PRPSAP1: variants seen among roughly 807,000 people sequenced by gnomAD.
The protein encoded by PRPSAP1 is phosphoribosyl pyrophosphate synthase-associated protein 1.
A neutral mutation model predicts 39.4 loss-of-function variants in PRPSAP1; 31 were observed. That is an observed-to-expected ratio of 0.79 (90% confidence interval 0.59 to 1.06). The LOEUF (loss-of-function observed/expected upper bound fraction) is 1.06, where lower values mean the gene tolerates loss of function less well. Among genes scored for constraint, PRPSAP1 ranks in the 50% least tolerant of loss-of-function variants. The pLI is 0.00. For synonymous variants in PRPSAP1, 212 were observed against 192.6 expected (o/e 1.10, Z -0.83); for missense variants, 430 against 511.6 (o/e 0.84, Z 1.54).
chr17:76,352,728 GAGCCC>G (rs1248536847), intron 1 of PRPSAP1, among the ~76,000 whole-genome samples: 1 of 151,066 alleles, frequency 6.6e-6, no homozygotes, highest in African/African-American at 2.4e-5. Flanking sequence ...GGGCCACTAT[GAGCCC>G]CTACTCTGCT....
intron 7 of PRPSAP1, among the ~76,000 whole-genome samples, chr17:76,318,825 C>T (rs546909441): frequency 2.0e-5 from 3 of 152,232 alleles, no homozygotes; most frequent in South Asian, 4.1e-4. Context: ...TGGTTATGAC[C>T]GTTAAGCAAC....
In PRPSAP1 at chr17:76,353,737, G is replaced by A. The variant is rs1167075246; in HGVS notation, c.-34C>T. Reference sequence around the variant, plus strand: ...CCGCGGCGCGGTTACGACCGGCCCCGCGCGGGGCTGCACTCTGAGTGCTTC... The same window carrying A: ...CCGCGGCGCGGTTACGACCGGCCCCACGCGGGGCTGCACTCTGAGTGCTTC... On this transcript the variant is annotated 5_prime_UTR_variant, in exon 1 of 10. Transcript: ENST00000446526. 6.3e-6 allele frequency: 9 copies of A among 1,431,226 alleles called. No homozygotes were observed. Among genetic ancestry groups the A allele is most frequent in the Non-Finnish European group, 7.3e-6 (8 of 1,102,200 alleles). 88.7% of individuals were successfully genotyped at this position (1,431,226 alleles called of 1,614,324 possible).
rs2071477468 is a variant in PRPSAP1, at chr17:76,344,702, G to C, written c.259C>G (p.Gln87Glu). Reference protein sequence around the residue: ...RVEIKESVRGQDIFIIQTIPR... With the variant: ...RVEIKESVRGEDIFIIQTIPR... ...ATTGTCTGTATAATGAAAATATCTT[G>C]GCCACGAACAGATTCTTTTATTTCA... is the stretch of plus-strand genomic sequence containing the variant. The change falls in exon 3 of 10, where the codon CAA (glutamine) becomes GAA (glutamate). Residue 87 changes from glutamine to glutamate, a missense_variant. Coordinates refer to ENST00000446526, the MANE Select transcript of PRPSAP1 (RefSeq NM_002766.3). 6.3e-7 allele frequency: 1 copy of C among 1,582,246 alleles called. No homozygotes were observed. Among genetic ancestry groups the C allele is most frequent in the Non-Finnish European group, 8.6e-7 (1 of 1,159,828 alleles).
At chr17:76,344,555 C>A in intron 3 of PRPSAP1, 116 bp downstream of exon 3, 1 of 959,600 alleles carries the variant, frequency 1.0e-6, no homozygotes, top group Non-Finnish European at 1.6e-6. Context: ...GTGAGCCACA[C>A]GCCCGGCCTG....
chr17:76,320,036 A>G (rs1354010253), intron 7 of PRPSAP1, among the ~76,000 whole-genome samples: 20 of 151,950 alleles, frequency 1.3e-4, no homozygotes, highest in African/African-American at 4.8e-4. Context: ...TTGGGAGGCC[A>G]AGGCAGGCGG....
chr17:76,319,074 G>C (rs2071157209), intron 7 of PRPSAP1, among the ~76,000 whole-genome samples: 1 of 151,866 alleles, frequency 6.6e-6, no homozygotes, highest in Non-Finnish European at 1.5e-5. Context: ...CAAGTAGCTG[G>C]GATTACAGAT....
At chr17:76,317,371 A>G (rs2071135740) in intron 7 of PRPSAP1, among the ~76,000 whole-genome samples, 1 of 151,568 alleles carries the variant, frequency 6.6e-6, no homozygotes, top group Non-Finnish European at 1.5e-5. Context: ...AAAAAAAAAA[A>G]TCAACAGTCA....
At chr17:76,347,055 G>A (rs2071510500) in intron 2 of PRPSAP1, among the ~76,000 whole-genome samples, 1 of 151,974 alleles carries the variant, frequency 6.6e-6, no homozygotes, top group Non-Finnish European at 1.5e-5. Flanking sequence ...CATGACGAAG[G>A]AGAAAGAACA....
intron 3 of PRPSAP1, among the ~76,000 whole-genome samples, chr17:76,336,522 G>A (rs1285717157): frequency 1.3e-5 from 2 of 148,702 alleles, no homozygotes; most frequent in African/African-American, 2.5e-5. Context: ...TACCTGGGTC[G>A]GGAGTTCGAG....
chr17:76,323,353 AG>A (rs200470866), intron 7 of PRPSAP1, among the ~76,000 whole-genome samples: 124 of 149,066 alleles, frequency 8.3e-4, no homozygotes, highest in East Asian at 2.5e-3. Context: ...AAAAAAAAAA[AG>A]AAATACATTT....
chr17:76,351,254 C>T (rs527576634), intron 1 of PRPSAP1, among the ~76,000 whole-genome samples: 6 of 151,704 alleles, frequency 4.0e-5, no homozygotes, highest in African/African-American at 1.2e-4. Flanking sequence ...CGGTGGCTCA[C>T]GCCTGTAATC....
chr17:76,316,175 A>T (rs1472139855), intron 7 of PRPSAP1, among the ~76,000 whole-genome samples: 1 of 125,428 alleles, frequency 8.0e-6, no homozygotes, highest in African/African-American at 3.5e-5. Context: ...GACTCCGTCT[A>T]AAAAAAAAAA....
In PRPSAP1 at chr17:76,344,697, A is replaced by G. The variant is rs963248912; in HGVS notation, c.264T>C (p.Asp88=). The G allele has an allele frequency of 1.1e-5, 17 of 1,582,346 alleles. No homozygotes were observed. Among genetic ancestry groups the G allele is most frequent in the Non-Finnish European group, 1.4e-5 (16 of 1,159,540 alleles). Residue 88 remains aspartate, a synonymous_variant, in exon 3 of 10, where the codon GAT becomes GAC. Transcript: ENST00000446526. ...VEIKESVRGQ[D]IFIIQTIPRD... ...TGGGTATTGTCTGTATAATGAAAATATCTTGGCCACGAACAGATTCTTTTA... is the reference window on the plus strand; with the variant it reads ...TGGGTATTGTCTGTATAATGAAAATGTCTTGGCCACGAACAGATTCTTTTA...
chr17:76,315,789 A>G (rs994017159), intron 7 of PRPSAP1, among the ~76,000 whole-genome samples: 1 of 130,970 alleles, frequency 7.6e-6, no homozygotes, highest in Non-Finnish European at 1.5e-5. Flanking sequence ...ATCTCGGCTC[A>G]CTGCAACCTC....
chr17:76,322,065 G>A (rs77282448), intron 7 of PRPSAP1, among the ~76,000 whole-genome samples: 1,734 of 152,244 alleles, frequency 0.011, 33 homozygotes, highest in African/African-American at 0.039. Context: ...AAGTTACTCC[G>A]AAGATCTAAC....
intron 1 of PRPSAP1, chr17:76,353,214 C>T (rs931682271): frequency 3.3e-6 from 1 of 304,046 alleles, no homozygotes; most frequent in Non-Finnish European, 6.1e-6. Flanking sequence ...CCCCTTTCCC[C>T]AAGACACGCA....
chr17:76,332,468 A>T lies in PRPSAP1; in HGVS notation c.291-33T>A, dbSNP rs889946492. The T allele has an allele frequency of 2.5e-6, 4 of 1,609,964 alleles. No individual in the cohort carries two copies. In the African/African-American group the frequency reaches 5.3e-5, roughly 22 times the overall value. On this transcript the variant is annotated intron_variant, in intron 3 of 9. Transcript: ENST00000446526. The stretch of plus-strand genomic sequence containing the variant: ...AGTCAAAGTTTGTATTTGGGGATTA[A>T]TTCCATGTATCAACCCTAGAAAAGA...
chr17:76,343,918 G>A (rs532412768), intron 3 of PRPSAP1, among the ~76,000 whole-genome samples: 10 of 152,234 alleles, frequency 6.6e-5, no homozygotes, highest in African/African-American at 2.4e-4. Context: ...TGTATTTGGG[G>A]AAGCATTTAG....
At chr17:76,343,046 C>A (rs1023752357) in intron 3 of PRPSAP1, among the ~76,000 whole-genome samples, 1 of 152,228 alleles carries the variant, frequency 6.6e-6, no homozygotes, top group African/African-American at 2.4e-5. Context: ...CACTGCACTC[C>A]AGCCTGGGCA....
Sources: allele counts gnomAD v4.1 joint callset (sites outside exome capture counted in the v4.1 genomes callset), GRCh38; gene constraint gnomAD v4.1.1; transcripts MANE v1.5; gene names NCBI Gene and HGNC (gene_info 2026-07-23, HGNC 2026-07-21).